ACIN1: variants seen among roughly 807,000 people sequenced by gnomAD.
The protein encoded by ACIN1 is apoptotic chromatin condensation inducer 1, also known as apoptotic chromatin condensation inducer in the nucleus.
In ACIN1, 16 loss-of-function variants were observed where a neutral mutation model predicts 146.6. The ratio of observed to expected loss-of-function variants is 0.11; its 90% CI spans 0.07 to 0.17. The LOEUF is 0.17. ACIN1 is among the 10% of genes least tolerant of loss of function. The pLI is 1.00. For missense variants in ACIN1, 1,357 were observed against 1,609.3 expected, an observed-to-expected ratio of 0.84 and a Z score of 2.68; for synonymous variants, 569 against 582.7, an observed-to-expected ratio of 0.98 and a Z score of 0.34.
chr14:23,070,913 G>T (rs751888937), intron 8 of ACIN1, among the ~76,000 whole-genome samples: 18 of 152,112 alleles, frequency 1.2e-4, no homozygotes, highest in Non-Finnish European at 2.5e-4. Context: ...TACATCTAGA[G>T]AAAAGGCTTA....
intron 8 of ACIN1, among the ~76,000 whole-genome samples, chr14:23,075,685 G>T (rs1311327041): frequency 1.3e-5 from 2 of 151,002 alleles, no homozygotes; most frequent in Non-Finnish European, 2.9e-5. Context: ...AAAAACCAAG[G>T]TTAGGCCATA....
chr14:23,081,609 G>A, intron 5 of ACIN1, 139 bp downstream of exon 5: 3 of 693,300 alleles, frequency 4.3e-6, no homozygotes, highest in Non-Finnish European at 7.0e-6. Flanking sequence ...CAGCCTAGGC[G>A]ACAGAGCCAG....
intron 8 of ACIN1, chr14:23,071,055 G>A: frequency 1.4e-6 from 2 of 1,455,974 alleles, no homozygotes; most frequent in Non-Finnish European, 1.9e-6. Context: ...AAAGCCATGA[G>A]GAAGAGAAGG....
At chr14:23,083,861 C>G (rs2048015484) in intron 4 of ACIN1, among the ~76,000 whole-genome samples, 1 of 152,162 alleles carries the variant, frequency 6.6e-6, no homozygotes, top group Non-Finnish European at 1.5e-5. Flanking sequence ...TAATACAGTA[C>G]AAAAGGTTCT....
intron 4 of ACIN1, among the ~76,000 whole-genome samples, chr14:23,088,991 A>G (rs1236614490): frequency 1.3e-5 from 2 of 152,114 alleles, no homozygotes; most frequent in Admixed American, 6.5e-5. Context: ...GACAAAGGCT[A>G]TATTTATAGA....
chr14:23,076,947 A>G (rs542458369), intron 8 of ACIN1, among the ~76,000 whole-genome samples: 1 of 152,328 alleles, frequency 6.6e-6, no homozygotes, highest in South Asian at 2.1e-4. Context: ...TAGCGTACCC[A>G]TTCCAGAAGG....
chr14:23,085,490 T>C (rs531527694), intron 4 of ACIN1, among the ~76,000 whole-genome samples: 1 of 152,330 alleles, frequency 6.6e-6, no homozygotes, highest in South Asian at 2.1e-4. Flanking sequence ...ACTGTAAAAC[T>C]GCAGTGATAG....
In ACIN1 at chr14:23,090,550, A is replaced by G. The variant is rs1266491109; in HGVS notation, c.288T>C (p.Arg96=). Residue 96 remains arginine, a synonymous_variant, in exon 3 of 19, where the codon CGT becomes CGC. Coordinates refer to ENST00000605057, the MANE Select transcript of ACIN1 (RefSeq NM_001386863.1). The stretch of plus-strand genomic sequence containing the variant: ...CAAGTTCTGCAGCTTCTCGAGCTTC[A>G]CGTTCCAGACGCTGCCTAAGTAGCT... ...QQELLRQRLE[R]EAREAAELEE... is the part of the protein sequence containing the mutation. The G allele has an allele frequency of 7.4e-6, 12 of 1,613,930 alleles. No homozygotes were observed. Among genetic ancestry groups the G allele is most frequent in the Non-Finnish European group, 9.3e-6 (11 of 1,179,938 alleles).
At chr14:23,088,711 C>G (rs981307967) in intron 4 of ACIN1, among the ~76,000 whole-genome samples, 1 of 152,214 alleles carries the variant, frequency 6.6e-6, no homozygotes, top group Admixed American at 6.5e-5. Flanking sequence ...TATGTACTAA[C>G]AATCCACATG....
intron 7 of ACIN1, 41 bp from the exon 8 acceptor site, chr14:23,078,307 G>T: frequency 1.3e-6 from 2 of 1,579,472 alleles, no homozygotes. Context: ...AAAACATTTA[G>T]ATCTGCTTGG....
chr14:23,080,399 T>C lies in ACIN1; in HGVS notation c.936A>G (p.Glu312=), dbSNP rs2047913398. 2 of 1,614,196 alleles carry C rather than the reference T, an allele frequency of 1.2e-6. No individual in the cohort carries two copies. Among genetic ancestry groups the C allele is most frequent in the East Asian group, 2.2e-5 (1 of 44,884 alleles). ...CTTGTGAAGATTTTATTTCTCTTTC[T>C]TCCTCCTCAAGGGGAGATGTTGTTT... ...EMKTTSPLEE[E]EREIKSSQGL... Residue 312 remains glutamate (E), a synonymous_variant, in exon 6 of 19, where the codon GAA becomes GAG. Coordinates refer to ENST00000605057, the MANE Select transcript of ACIN1 (RefSeq NM_001386863.1).
chr14:23,069,914 C>T (rs2047578209), intron 8 of ACIN1, among the ~76,000 whole-genome samples: 3 of 152,076 alleles, frequency 2.0e-5, no homozygotes, highest in Admixed American at 2.0e-4. Context: ...AATAACTCAC[C>T]AGAGTACTCC....
chr14:23,073,190 T>C (rs75568395), intron 8 of ACIN1, among the ~76,000 whole-genome samples: 17,617 of 152,260 alleles, frequency 0.12, 1,315 homozygotes, highest in South Asian at 0.2. Context: ...TCACTCTGTA[T>C]AATAACTGCT....
At chr14:23,072,045 C>A (rs563386621) in intron 8 of ACIN1, among the ~76,000 whole-genome samples, 32 of 152,300 alleles carry the variant, frequency 2.1e-4, no homozygotes, top group Middle Eastern at 6.8e-3. Context: ...TGAAACCAGA[C>A]CAACCAGTCA....
chr14:23,061,015 G>C, intron 18 of ACIN1, 69 bp downstream of exon 18: 3 of 1,446,244 alleles, frequency 2.1e-6, no homozygotes, highest in South Asian at 2.3e-5. Flanking sequence ...GCAGTCACAT[G>C]AATCTCCCCT....
rs2236138 is a variant in ACIN1 at position 23,089,640 on chromosome 14, C to T, written c.436+342G>A. ...TGATTAAACCACAGCAGATACCCAA[C>T]TCCAGAGGGTGACTGAATGTGTTAA... On this transcript the variant is annotated intron_variant, in intron 4 of 18. Transcript: ENST00000605057. Among the ~76,000 whole-genome samples, 346 of 152,350 alleles carry T rather than the reference C, an allele frequency of 2.3e-3. 6 individuals are homozygous for T. In the East Asian group the frequency reaches 0.059, roughly 26 times the overall value.
intron 2 of ACIN1, among the ~76,000 whole-genome samples, chr14:23,092,990 T>C (rs113026637): frequency 8.1e-4 from 124 of 152,320 alleles, no homozygotes; most frequent in African/African-American, 2.7e-3. Flanking sequence ...GAGGTATTAG[T>C]AATGTTTATG....
chr14:23,062,592 G>A (rs962571019), intron 14 of ACIN1, 69 bp from the exon 15 acceptor site: 4 of 1,419,434 alleles, frequency 2.8e-6, no homozygotes, highest in South Asian at 1.1e-5. Flanking sequence ...TAGATTTCCC[G>A]AGCTGCTGTC....
intron 4 of ACIN1, 67 bp downstream of exon 4, chr14:23,089,915 G>GT (rs2048184007): frequency 1.4e-6 from 2 of 1,447,586 alleles, no homozygotes; most frequent in South Asian, 3.0e-5. Flanking sequence ...GAAAGGAGGT[G>GT]TAACTACCTC....
Sources: allele counts gnomAD v4.1 joint callset (sites outside exome capture counted in the v4.1 genomes callset), GRCh38; gene constraint gnomAD v4.1.1; transcripts MANE v1.5; gene names NCBI Gene and HGNC (gene_info 2026-07-23, HGNC 2026-07-21).